Variants in FRMD5 observed in about 807,000 individuals in gnomAD.
FRMD5 encodes FERM domain-containing protein 5.
In FRMD5, 20 loss-of-function variants were observed where a neutral mutation model predicts 69.0. The ratio of observed to expected loss-of-function variants is 0.29; its 90% CI spans 0.20 to 0.42. FRMD5 has a LOEUF of 0.42. Ranked by LOEUF, FRMD5 falls within the 10% of genes least tolerant of loss-of-function variation. The pLI is 1.00. For synonymous variants in FRMD5, 271 were observed against 260.1 expected (o/e 1.04, Z -0.40); for missense variants, 595 against 708.6 (o/e 0.84, Z 1.82).
At chr15:44,003,902 T>C (rs550619778) in intron 1 of FRMD5, among the ~76,000 whole-genome samples, 1 of 152,256 alleles carries the variant, frequency 6.6e-6, no homozygotes, top group Non-Finnish European at 1.5e-5. Flanking sequence ...GGACATGAAT[T>C]TTTGTCTCTT....
At chr15:43,979,292 G>A (rs866199259) in intron 1 of FRMD5, among the ~76,000 whole-genome samples, 10 of 149,938 alleles carry the variant, frequency 6.7e-5, no homozygotes, top group South Asian at 4.2e-4. Context: ...CGGAGATCAC[G>A]CCATTGCACT....
intron 1 of FRMD5, among the ~76,000 whole-genome samples, chr15:44,112,363 G>A (rs1424908536): frequency 2.6e-5 from 4 of 151,842 alleles, no homozygotes; most frequent in African/African-American, 9.7e-5. Flanking sequence ...TATATTATTT[G>A]TGTACTATTT....
chr15:44,071,749 T>G (rs1893548901), intron 1 of FRMD5, among the ~76,000 whole-genome samples: 1 of 152,226 alleles, frequency 6.6e-6, no homozygotes, highest in Non-Finnish European at 1.5e-5. Context: ...ATTGGACTCT[T>G]GTGTTATTCA....
chr15:44,172,502 T>C (rs1316590447), intron 1 of FRMD5, among the ~76,000 whole-genome samples: 1 of 152,152 alleles, frequency 6.6e-6, no homozygotes, highest in Admixed American at 6.6e-5. Context: ...CTAGGCAAAT[T>C]ATAAACACAT....
In FRMD5 at chr15:43,975,566, A is replaced by G. The variant is rs112877452; in HGVS notation, c.103-51257T>C. The stretch of plus-strand genomic sequence containing the variant: ...CACTTTACACACAAGTGATTAGCAA[A>G]TATTTAAAACTCTAACAACTCAAGG... On this transcript the variant is annotated intron_variant, in intron 1 of 13. Coordinates refer to ENST00000417257, the MANE Select transcript of FRMD5 (RefSeq NM_032892.5). 6.7e-3 allele frequency among the ~76,000 whole-genome samples: 1,013 copies of G among 152,308 alleles called. 14 individuals are homozygous for G. Among genetic ancestry groups the G allele is most frequent in the African/African-American group, 0.023 (969 of 41,566 alleles).
intron 2 of FRMD5, among the ~76,000 whole-genome samples, chr15:43,920,544 C>T (rs1268381200): frequency 6.6e-6 from 1 of 152,158 alleles, no homozygotes; most frequent in African/African-American, 2.4e-5. Flanking sequence ...CTGGGGGAAG[C>T]AATGAAACCA....
chr15:44,182,404 A>G (rs2078020775), intron 1 of FRMD5, among the ~76,000 whole-genome samples: 1 of 140,182 alleles, frequency 7.1e-6, no homozygotes, highest in East Asian at 2.1e-4. Context: ...GTCTCGGCTC[A>G]CTGCAACCCC....
At chr15:44,063,978 C>G in intron 1 of FRMD5, 1 of 234,734 alleles carries the variant, frequency 4.3e-6, no homozygotes, top group Non-Finnish European at 8.5e-6. Context: ...CCACCAATTG[C>G]TCAGTTCCCC....
chr15:44,070,985 C>A (rs1893516607), intron 1 of FRMD5, among the ~76,000 whole-genome samples: 1 of 152,150 alleles, frequency 6.6e-6, no homozygotes, highest in South Asian at 2.1e-4. Context: ...ACCTGCTATC[C>A]CATTGCCTGG....
At chr15:43,981,758 T>A (rs8030125) in intron 1 of FRMD5, among the ~76,000 whole-genome samples, 4,336 of 152,328 alleles carry the variant, frequency 0.028, 174 homozygotes, top group African/African-American at 0.089. Flanking sequence ...CTTCTACATC[T>A]TCTTCCTCAT....
chr15:44,107,978 A>T (rs547735298), intron 1 of FRMD5, among the ~76,000 whole-genome samples: 7 of 152,184 alleles, frequency 4.6e-5, no homozygotes, highest in Admixed American at 1.3e-4. Flanking sequence ...GATTTTGTTA[A>T]GTAGTCATGT....
chr15:44,065,272 T>C (rs1349160660), intron 1 of FRMD5, among the ~76,000 whole-genome samples: 2 of 152,162 alleles, frequency 1.3e-5, no homozygotes, highest in African/African-American at 2.4e-5. Flanking sequence ...ATTATAATGG[T>C]AAAGAGGTCC....
At chr15:44,088,217 G>A (rs1335382713) in intron 1 of FRMD5, among the ~76,000 whole-genome samples, 3 of 152,116 alleles carry the variant, frequency 2.0e-5, no homozygotes, top group African/African-American at 7.2e-5. Flanking sequence ...TGTATTCACA[G>A]TTATGCAACC....
intron 1 of FRMD5, among the ~76,000 whole-genome samples, chr15:44,160,880 T>G (rs898936628): frequency 6.6e-6 from 1 of 152,204 alleles, no homozygotes; most frequent in African/African-American, 2.4e-5. Flanking sequence ...AAAGAATGCA[T>G]AGCAACTTAC....
intron 1 of FRMD5, among the ~76,000 whole-genome samples, chr15:44,150,387 T>C (rs966576727): frequency 3.3e-5 from 5 of 150,774 alleles, no homozygotes; most frequent in African/African-American, 1.2e-4. Flanking sequence ...CGATATATAA[T>C]GTGTAGAAAA....
chr15:44,069,260 C>T (rs541759934), intron 1 of FRMD5, among the ~76,000 whole-genome samples: 1 of 152,270 alleles, frequency 6.6e-6, no homozygotes, highest in African/African-American at 2.4e-5. Context: ...CTCTGGGAAA[C>T]AGTTTGGCAG....
intron 1 of FRMD5, among the ~76,000 whole-genome samples, chr15:44,141,051 C>T (rs541211940): frequency 6.6e-6 from 1 of 151,606 alleles, no homozygotes; most frequent in African/African-American, 2.4e-5. Flanking sequence ...ATTACAATAG[C>T]AATAAACACT....
intron 1 of FRMD5, among the ~76,000 whole-genome samples, chr15:44,075,967 T>C (rs1204361273): frequency 1.3e-5 from 2 of 152,236 alleles, no homozygotes; most frequent in Non-Finnish European, 2.9e-5. Flanking sequence ...TGTCTTCTTT[T>C]GAGAAGTGTC....
intron 1 of FRMD5, among the ~76,000 whole-genome samples, chr15:43,960,462 G>A (rs1352530295): frequency 1.3e-5 from 2 of 152,166 alleles, no homozygotes; most frequent in Non-Finnish European, 2.9e-5. Context: ...TATCCGTCAG[G>A]ATGGTCTCGA....
Sources: gnomAD v4.1 joint callset for allele counts (sites outside exome capture counted in the v4.1 genomes callset) on GRCh38, gnomAD v4.1.1 for gene constraint, MANE v1.5 for transcripts, NCBI Gene and HGNC (gene_info 2026-07-23, HGNC 2026-07-21) for gene names.